The following VTI1A variants were observed in gnomAD, a reference collection of about 807,000 sequenced individuals.
The protein encoded by VTI1A is vesicle transport through interaction with t-SNAREs 1A.
Under a neutral mutation model 34.9 loss-of-function variants are expected in VTI1A, and 22 were observed. The observed-to-expected ratio is 0.63, with a 90% CI of 0.45 to 0.90. The LOEUF is 0.90. VTI1A is among the 40% of genes least tolerant of loss of function. VTI1A has a pLI of 0.00. For missense variants in VTI1A, 268 were observed against 275.6 expected, an observed-to-expected ratio of 0.97 and a Z score of 0.20; for synonymous variants, 87 against 97.3, an observed-to-expected ratio of 0.89 and a Z score of 0.62.
intron 3 of VTI1A, among the ~76,000 whole-genome samples, chr10:112,490,801 A>G (rs1477155331): frequency 6.6e-6 from 1 of 152,110 alleles, no homozygotes; most frequent in Non-Finnish European, 1.5e-5. Context: ...AACATACTTC[A>G]GATGTTCAAA....
intron 3 of VTI1A, among the ~76,000 whole-genome samples, chr10:112,516,020 T>C (rs1287072605): frequency 6.6e-6 from 1 of 152,052 alleles, no homozygotes; most frequent in Non-Finnish European, 1.5e-5. Flanking sequence ...ACAAATTGAG[T>C]GGCTGACAAA....
Position 112,808,080 on chromosome 10 carries a change from C to T in VTI1A, c.561-7210C>T, listed in dbSNP as rs539727563. 2.0e-5 allele frequency among the ~76,000 whole-genome samples: 3 copies of T among 150,396 alleles called. No individual in the cohort carries two copies. In the East Asian group the frequency reaches 6.0e-4, roughly 30 times the overall value. On this transcript the variant is annotated intron_variant, in intron 7 of 7. Transcript: ENST00000393077. ...AAAAAATTTAAAAATTAGCCAGGTG[C>T]GGTGGTGCATGCCTGTAGTCCCAGC... is the stretch of plus-strand genomic sequence containing the variant.
Position 112,518,668 on chromosome 10 carries a change from T to TATAC in VTI1A, c.265-8418_265-8417insTACA, listed in dbSNP as rs397844776. On this transcript the variant is annotated intron_variant, in intron 3 of 7. Transcript: ENST00000393077. ...ATATACGTGTATATATATATATATA[T>TATAC]ACACACACACACACATAACTTTTTA... 1.1e-3 allele frequency among the ~76,000 whole-genome samples: 143 copies of TATAC among 125,034 alleles called. 1 individual carries two copies. Among genetic ancestry groups the TATAC allele is most frequent in the East Asian group, 7.2e-3 (35 of 4,856 alleles). 82.0% of individuals were successfully genotyped at this position (125,034 alleles called of 152,430 possible).
chr10:112,819,877 G>C (rs960122499), downstream of VTI1A, among the ~76,000 whole-genome samples: 1 of 152,210 alleles, frequency 6.6e-6, no homozygotes, highest in African/African-American at 2.4e-5. Flanking sequence ...TTCAGGGCAG[G>C]GGTGTTGGGT....
chr10:112,501,182 CAGAT>C (rs141785393), intron 3 of VTI1A, among the ~76,000 whole-genome samples: 285 of 152,136 alleles, frequency 1.9e-3, no homozygotes, highest in African/African-American at 6.3e-3. Flanking sequence ...AATGAAGAAA[CAGAT>C]GGATGAATAT....
chr10:112,602,247 T>G (rs1844905567), intron 5 of VTI1A, among the ~76,000 whole-genome samples: 1 of 152,244 alleles, frequency 6.6e-6, no homozygotes, highest in Admixed American at 6.5e-5. Flanking sequence ...GACCTCAACC[T>G]TGCTTGCTCA....
At chr10:112,765,323 C>T (rs773123733) in intron 7 of VTI1A, among the ~76,000 whole-genome samples, 18 of 152,324 alleles carry the variant, frequency 1.2e-4, no homozygotes, top group Middle Eastern at 3.4e-3. Flanking sequence ...ACTTCACCTG[C>T]CTCAGCTTCC....
intron 7 of VTI1A, among the ~76,000 whole-genome samples, chr10:112,765,488 G>A (rs1235070800): frequency 1.3e-5 from 2 of 152,204 alleles, no homozygotes; most frequent in African/African-American, 4.8e-5. Context: ...GAGATTACAG[G>A]CATGAGCCAC....
intron 7 of VTI1A, among the ~76,000 whole-genome samples, chr10:112,750,645 C>A (rs919741563): frequency 6.6e-6 from 1 of 152,184 alleles, no homozygotes; most frequent in East Asian, 1.9e-4. Context: ...ACAGCCCAAA[C>A]TACGAGTTCA....
chr10:112,578,519 G>C (rs1338148414), intron 5 of VTI1A, among the ~76,000 whole-genome samples: 1 of 152,134 alleles, frequency 6.6e-6, no homozygotes, highest in Non-Finnish European at 1.5e-5. Context: ...AAACCTCTGG[G>C]ATTGAAGCTT....
At chr10:112,779,333 A>T (rs1852045239) in intron 7 of VTI1A, among the ~76,000 whole-genome samples, 1 of 152,192 alleles carries the variant, frequency 6.6e-6, no homozygotes, top group Non-Finnish European at 1.5e-5. Context: ...GTGAGCTTGT[A>T]AAACAGTGGC....
chr10:112,459,030 C>T (rs1847640432), intron 1 of VTI1A, among the ~76,000 whole-genome samples: 1 of 152,154 alleles, frequency 6.6e-6, no homozygotes, highest in Non-Finnish European at 1.5e-5. Flanking sequence ...GAAGGCTGGT[C>T]AGCTGGTAGG....
intron 7 of VTI1A, among the ~76,000 whole-genome samples, chr10:112,794,268 T>C (rs1272592203): frequency 6.6e-6 from 1 of 152,148 alleles, no homozygotes; most frequent in South Asian, 2.1e-4. Context: ...TAAAAAATCA[T>C]GATCCTGGCC....
intron 7 of VTI1A, among the ~76,000 whole-genome samples, chr10:112,704,164 G>A (rs893147985): frequency 9.2e-5 from 14 of 152,060 alleles, no homozygotes; most frequent in African/African-American, 3.4e-4. Flanking sequence ...AAGGCAATTC[G>A]TATTAACAAT....
At chr10:112,797,961 T>C (rs1445077431) in intron 7 of VTI1A, among the ~76,000 whole-genome samples, 1 of 152,184 alleles carries the variant, frequency 6.6e-6, no homozygotes, top group Non-Finnish European at 1.5e-5. Context: ...ATCTGTGAGA[T>C]AGAAACTCAG....
chr10:112,658,456 A>G, intron 5 of VTI1A, among the ~76,000 whole-genome samples: 1 of 152,154 alleles, frequency 6.6e-6, no homozygotes, highest in East Asian at 1.9e-4. Flanking sequence ...ACAAATTTAT[A>G]AAGGACTTGA....
intron 5 of VTI1A, among the ~76,000 whole-genome samples, chr10:112,636,123 G>C (rs1352489590): frequency 6.6e-6 from 1 of 152,196 alleles, no homozygotes; most frequent in Admixed American, 6.5e-5. Context: ...GGCTCTGAAT[G>C]CTTTGCTCAC....
At position 112,518,589 on chromosome 10, in the gene VTI1A, CTATATATA is replaced by C. The variant is rs34659243; in HGVS notation, c.265-8482_265-8475del. ...TCTCTCTCTCTCTCTCTCTCTCTCTCTATATATATATATATATATATATGTGTGTGTGT... is the reference window on the plus strand; with the variant it reads ...TCTCTCTCTCTCTCTCTCTCTCTCTCTATATATATATATATGTGTGTGTGT... On this transcript the variant is annotated intron_variant, in intron 3 of 7. Transcript: ENST00000393077. 8.7e-3 allele frequency among the ~76,000 whole-genome samples: 822 copies of C among 94,304 alleles called. 4 individuals are homozygous for C. Among genetic ancestry groups the C allele is most frequent in the Middle Eastern group, 0.029 (5 of 174 alleles). 61.9% of individuals were successfully genotyped at this position (94,304 alleles called of 152,430 possible).
chr10:112,491,985 A>C (rs529398673), intron 3 of VTI1A, among the ~76,000 whole-genome samples: 2 of 152,270 alleles, frequency 1.3e-5, no homozygotes, highest in South Asian at 4.2e-4. Flanking sequence ...CCCCTGCCAG[A>C]GATTTTAGTT....
Sources: gnomAD v4.1 joint callset for allele counts (sites outside exome capture counted in the v4.1 genomes callset) on GRCh38, gnomAD v4.1.1 for gene constraint, MANE v1.5 for transcripts, NCBI Gene and HGNC (gene_info 2026-07-23, HGNC 2026-07-21) for gene names.